Variants in C8orf34 observed in about 807,000 individuals in gnomAD.
C8orf34 encodes chromosome 8 open reading frame 34, also known as uncharacterized protein C8orf34.
In C8orf34, 65 loss-of-function variants were observed where a neutral mutation model predicts 68.3. The ratio of observed to expected loss-of-function variants is 0.95; its 90% CI spans 0.78 to 1.17. C8orf34 has a LOEUF of 1.17. Among genes scored for constraint, C8orf34 ranks in the 50% most tolerant of loss-of-function variants. The pLI is 0.00. For synonymous variants in C8orf34, 244 were observed against 241.2 expected, an observed-to-expected ratio of 1.01 and a Z score of -0.11; for missense variants, 664 against 655.4, an observed-to-expected ratio of 1.01 and a Z score of -0.14.
intron 9 of C8orf34, among the ~76,000 whole-genome samples, chr8:68,715,400 A>G (rs1339333023): frequency 2.6e-5 from 4 of 152,056 alleles, no homozygotes; most frequent in Non-Finnish European, 4.4e-5. Context: ...TCCAGAATCT[A>G]TAATACAAAG....
chr8:68,535,209 A>C, intron 7 of C8orf34: 1 of 981,156 alleles, frequency 1.0e-6, no homozygotes, highest in Non-Finnish European at 1.2e-6. Context: ...AGTTCTTGGA[A>C]ATTTATGTGA....
chr8:68,808,754 AT>A (rs1260475069), intron 12 of C8orf34, among the ~76,000 whole-genome samples: 1 of 152,016 alleles, frequency 6.6e-6, no homozygotes, highest in Non-Finnish European at 1.5e-5. Flanking sequence ...AGGGACTTGG[AT>A]TTTAATATCC....
At chr8:68,679,050 C>A (rs1231757140) in intron 8 of C8orf34, among the ~76,000 whole-genome samples, 4 of 152,084 alleles carry the variant, frequency 2.6e-5, no homozygotes, top group Admixed American at 2.6e-4. Flanking sequence ...CCTGTAATCT[C>A]AGCACTTTGG....
At chr8:68,702,323 G>A (rs1182752293) in intron 8 of C8orf34, among the ~76,000 whole-genome samples, 4 of 152,044 alleles carry the variant, frequency 2.6e-5, no homozygotes, top group African/African-American at 9.7e-5. Context: ...TGAATATTAT[G>A]TTTTTAGTAG....
At chr8:68,737,989 C>T (rs1822169536) in intron 10 of C8orf34, among the ~76,000 whole-genome samples, 1 of 152,170 alleles carries the variant, frequency 6.6e-6, no homozygotes, top group Non-Finnish European at 1.5e-5. Flanking sequence ...CTTATTGCCA[C>T]ATGGCACATA....
chr8:68,641,852 G>T (rs1819020808), intron 8 of C8orf34, among the ~76,000 whole-genome samples: 1 of 152,116 alleles, frequency 6.6e-6, no homozygotes, highest in Non-Finnish European at 1.5e-5. Context: ...CAAACAACCT[G>T]CATTTAAAGT....
chr8:68,367,907 GAAAAGAAAAAAAAAA>G (rs1807362339), intron 1 of C8orf34, among the ~76,000 whole-genome samples: 1 of 15,034 alleles, frequency 6.7e-5, no homozygotes, highest in African/African-American at 2.6e-4. Context: ...AATAAAAAAA[GAAAAGAAAAAAAAAA>G]AAAAAAAAAA....
chr8:68,553,579 A>T (rs1237554312), intron 7 of C8orf34, among the ~76,000 whole-genome samples: 2 of 151,480 alleles, frequency 1.3e-5, no homozygotes, highest in African/African-American at 4.9e-5. Context: ...TAATTGGGTT[A>T]GTTTTGATAA....
chr8:68,448,416 T>C (rs1265895387), intron 3 of C8orf34, among the ~76,000 whole-genome samples: 2 of 152,228 alleles, frequency 1.3e-5, no homozygotes, highest in Non-Finnish European at 2.9e-5. Flanking sequence ...TTTAGGGTTA[T>C]TCTTTGGAAA....
At chr8:68,548,661 A>G (rs1328041041) in intron 7 of C8orf34, among the ~76,000 whole-genome samples, 1 of 151,838 alleles carries the variant, frequency 6.6e-6, no homozygotes, top group Non-Finnish European at 1.5e-5. Context: ...GCTCTATGAC[A>G]TAGTCATTCC....
In C8orf34 at chr8:68,571,234, C is replaced by A. The variant is rs536400918; in HGVS notation, c.1105+38085C>A. Among the ~76,000 whole-genome samples, 14 of 152,290 alleles carry A rather than the reference C, an allele frequency of 9.2e-5. No homozygotes were observed. In the South Asian group the frequency reaches 2.9e-3, roughly 32 times the overall value. Reference sequence around the variant, plus strand: ...CTCTTTGCCTGTAGCTACTCCTAGGCCATTTAGTTACAGTGTCAAATTCAT... The same window carrying A: ...CTCTTTGCCTGTAGCTACTCCTAGGACATTTAGTTACAGTGTCAAATTCAT... On this transcript the variant is annotated intron_variant, in intron 7 of 13. Coordinates refer to ENST00000518698, the MANE Select transcript of C8orf34 (RefSeq NM_052958.4).
intron 8 of C8orf34, among the ~76,000 whole-genome samples, chr8:68,697,749 C>G (rs911248049): frequency 6.6e-6 from 1 of 152,052 alleles, no homozygotes; most frequent in African/African-American, 2.4e-5. Context: ...TGAAGCAGTT[C>G]CCAGCCCATG....
At chr8:68,697,041 CTT>C (rs992305395) in intron 8 of C8orf34, among the ~76,000 whole-genome samples, 13 of 151,758 alleles carry the variant, frequency 8.6e-5, no homozygotes, top group Admixed American at 7.9e-4. Context: ...TAACTTTTAA[CTT>C]TTTTTTATAA....
At chr8:68,747,835 C>T (rs1822555859) in intron 10 of C8orf34, among the ~76,000 whole-genome samples, 3 of 151,904 alleles carry the variant, frequency 2.0e-5, no homozygotes, top group Non-Finnish European at 4.4e-5. Context: ...GATTCAATGC[C>T]ATCCCCATCA....
chr8:68,591,755 CACTA>C (rs980484560), intron 7 of C8orf34, among the ~76,000 whole-genome samples: 4 of 152,140 alleles, frequency 2.6e-5, no homozygotes, highest in East Asian at 1.9e-4. Context: ...GTGATATTCT[CACTA>C]ACTTTTAAAA....
At chr8:68,460,448 C>G (rs909501931) in intron 3 of C8orf34, among the ~76,000 whole-genome samples, 1 of 152,188 alleles carries the variant, frequency 6.6e-6, no homozygotes, top group Non-Finnish European at 1.5e-5. Flanking sequence ...GTGGTTCTCC[C>G]AGCACGCAGC....
At chr8:68,421,812 G>C (rs115858758) in intron 1 of C8orf34, among the ~76,000 whole-genome samples, 58 of 152,154 alleles carry the variant, frequency 3.8e-4, no homozygotes, top group African/African-American at 1.3e-3. Flanking sequence ...ATAAAGAAAA[G>C]AGCCTTAATT....
At chr8:68,683,477 T>C (rs1392594706) in intron 8 of C8orf34, among the ~76,000 whole-genome samples, 1 of 151,950 alleles carries the variant, frequency 6.6e-6, no homozygotes, top group African/African-American at 2.4e-5. Flanking sequence ...GCAGAAGAAC[T>C]AACATGAAGG....
At chr8:68,459,585 TG>T (rs1811701637) in intron 3 of C8orf34, among the ~76,000 whole-genome samples, 1 of 152,148 alleles carries the variant, frequency 6.6e-6, no homozygotes, top group Non-Finnish European at 1.5e-5. Flanking sequence ...ACAGCAACTA[TG>T]GAGAACAGTA....
Sources: allele counts gnomAD v4.1 joint callset (sites outside exome capture counted in the v4.1 genomes callset), GRCh38; gene constraint gnomAD v4.1.1; transcripts MANE v1.5; gene names NCBI Gene and HGNC (gene_info 2026-07-23, HGNC 2026-07-21).